DOT1L: variants seen among roughly 807,000 people sequenced by gnomAD.
DOT1L encodes histone-lysine N-methyltransferase, H3 lysine-79 specific.
A neutral mutation model predicts 153.3 loss-of-function variants in DOT1L; 33 were observed. That is an observed-to-expected ratio of 0.22 (90% CI 0.16 to 0.29). The LOEUF (loss-of-function observed/expected upper bound fraction) is 0.29, where lower values mean the gene tolerates loss of function less well. Among genes scored for constraint, DOT1L ranks in the 10% least tolerant of loss-of-function variants. The pLI is 1.00. For synonymous variants in DOT1L, 1,135 were observed against 965.1 expected (o/e 1.18, Z -3.26); for missense variants, 1,847 against 2,119.9 (o/e 0.87, Z 2.53).
chr19:2,211,650 C>A, intron 15 of DOT1L, 101 bp from the exon 16 acceptor site: 3 of 1,026,730 alleles, frequency 2.9e-6, no homozygotes, highest in Non-Finnish European at 4.3e-6. Context: ...GAGTGCCTGA[C>A]ACCTGCCGAG....
intron 1 of DOT1L, among the ~76,000 whole-genome samples, chr19:2,167,077 A>T (rs1381026463): frequency 1.3e-5 from 2 of 152,124 alleles, no homozygotes; most frequent in Non-Finnish European, 2.9e-5. Context: ...TGGGCCACAG[A>T]TTGTTGACGT....
chr19:2,169,349 G>A (rs552237700), intron 1 of DOT1L, among the ~76,000 whole-genome samples: 2 of 152,140 alleles, frequency 1.3e-5, no homozygotes, highest in Non-Finnish European at 2.9e-5. Flanking sequence ...AAATAGGAAG[G>A]AATAATAGAA....
At position 2,197,155 on chromosome 19, in the gene DOT1L, G is replaced by A. The variant is rs919227149; in HGVS notation, c.651+2578G>A. On this transcript the variant is annotated intron_variant, in intron 7 of 27. Coordinates refer to ENST00000398665, the MANE Select transcript of DOT1L (RefSeq NM_032482.3). This position sits in a 1 kb window ranked among gnomAD's most constrained non-coding sequence, Gnocchi z 4.1. ...CTGTCTGGTTTGGTCTCTGGGTGGC[G>A]CTCCCTCGGCTTCTGTTCTGCTGTC... Among the ~76,000 whole-genome samples the A allele has an allele frequency of 2.6e-5, 4 of 152,142 alleles. No individual in the cohort carries two copies. The highest frequency in any genetic ancestry group is 7.2e-5 in the African/African-American group (3 of 41,430).
At chr19:2,171,639 C>T (rs999942317) in intron 1 of DOT1L, among the ~76,000 whole-genome samples, 5 of 152,172 alleles carry the variant, frequency 3.3e-5, no homozygotes, top group Non-Finnish European at 5.9e-5. Context: ...GCTCCGTGTT[C>T]GTGTACATGC....
chr19:2,219,803 C>T (rs1459903162), intron 22 of DOT1L, among the ~76,000 whole-genome samples: 1 of 152,190 alleles, frequency 6.6e-6, no homozygotes, highest in African/African-American at 2.4e-5. Flanking sequence ...TGAGGGCGGG[C>T]TGTGGGTTGC....
Position 2,166,605 on chromosome 19 carries a change from T to C in DOT1L, c.81+2340T>C, listed in dbSNP as rs369904020. On this transcript the variant is annotated intron_variant, in intron 1 of 27. Transcript: ENST00000398665. ...TTTGTATTTTTAGTAGATACCAGGT[T>C]TCTTCATGTTGGCTAGGCTGGTCTC... Among the ~76,000 whole-genome samples the C allele has an allele frequency of 7.9e-5, 12 of 151,922 alleles. No individual in the cohort carries two copies. In the South Asian group the frequency reaches 2.1e-3, roughly 26 times the overall value.
chr19:2,180,940 A>G (rs564544595), intron 2 of DOT1L, among the ~76,000 whole-genome samples, 184 bp downstream of exon 2: 1 of 152,252 alleles, frequency 6.6e-6, no homozygotes, highest in East Asian at 1.9e-4. Flanking sequence ...ATTCCTGGCC[A>G]GTGGGTGCAG....
Position 2,190,927 on chromosome 19 carries a change from C to A in DOT1L, c.265-85C>A. ...GGCCATGCAGCCGACTCCCTGCTTCCGCTGGGAAAGGTCCCGGGTCTTGGT... is the reference window on the plus strand; with the variant it reads ...GGCCATGCAGCCGACTCCCTGCTTCAGCTGGGAAAGGTCCCGGGTCTTGGT... On this transcript the variant is annotated intron_variant, in intron 4 of 27. Coordinates refer to ENST00000398665, the MANE Select transcript of DOT1L (RefSeq NM_032482.3). This position sits in a 1 kb window ranked among gnomAD's most constrained non-coding sequence, Gnocchi z 4.8. 1 of 1,317,252 alleles carries A rather than the reference C, an allele frequency of 7.6e-7. No homozygotes were observed. Among genetic ancestry groups the A allele is most frequent in the Non-Finnish European group, 1.0e-6 (1 of 962,328 alleles). The allele number at this position is 1,317,252 out of a possible 1,614,324, so 81.6% of individuals were successfully genotyped here. A position where few individuals can be genotyped will look rare whatever the true frequency, so the allele number is the denominator to read the frequency against.
At position 2,206,781 on chromosome 19, in the gene DOT1L, C is replaced by T. The variant is rs2023512665; in HGVS notation, c.840C>T (p.Asn280=). 1 of 1,613,876 alleles carries T rather than the reference C, an allele frequency of 6.2e-7. No individual in the cohort carries two copies. Among genetic ancestry groups the T allele is most frequent in the South Asian group, 1.1e-5 (1 of 91,084 alleles). ...TTGCACCTCTGAACTTCAGAATAAA[C>T]AGTAGAAACTTGAGTGGTAAGAAAC... The part of the protein sequence containing the change: ...KPFAPLNFRI[N]SRNLSDIGTI... Residue 280 remains asparagine, a synonymous_variant, in exon 10 of 28, where the codon AAC becomes AAT. Coordinates refer to ENST00000398665, the MANE Select transcript of DOT1L (RefSeq NM_032482.3).
chr19:2,215,395 G>A (rs2023861157), intron 19 of DOT1L: 1 of 152,268 alleles, frequency 6.6e-6, no homozygotes, highest in African/African-American at 2.4e-5. Context: ...GCAGGTGCTG[G>A]TGGGCGGTGC....
chr19:2,226,516 G>T lies in DOT1L; in HGVS notation c.3995G>T (p.Ser1332Ile). The T allele has an allele frequency of 6.2e-7, 1 of 1,600,792 alleles. No homozygotes were observed. Among genetic ancestry groups the T allele is most frequent in the Non-Finnish European group, 8.5e-7 (1 of 1,179,666 alleles). ...LAADLSLHSF[S>I]DGASLPHKGP... ...GCGGACCTGAGTTTACACAGCTTCA[G>T]TGATGGTGCTTCTCTTCCCCACAAG... Residue 1332 changes from serine (S) to isoleucine (I), a missense_variant, in exon 27 of 28, where the codon AGT becomes ATT. By Grantham distance (142) the Ser-to-Ile change is moderately radical. Transcript: ENST00000398665.
chr19:2,203,758 C>T (rs1190988043), intron 9 of DOT1L, among the ~76,000 whole-genome samples: 2 of 152,246 alleles, frequency 1.3e-5, no homozygotes, highest in Admixed American at 6.5e-5. Flanking sequence ...CCCTGCCAGC[C>T]CTCCAGCAGG....
chr19:2,227,133 C>T lies in DOT1L; in HGVS notation c.4606+6C>T, dbSNP rs1269778654. Reference sequence around the variant, plus strand: ...GGCAGGCGGCACAGTTGGAGGTAGGCAGGGCGGCCGTCCGTCCGCCCCCCG... The same window carrying T: ...GGCAGGCGGCACAGTTGGAGGTAGGTAGGGCGGCCGTCCGTCCGCCCCCCG... On this transcript the variant is annotated splice_donor_region_variant and intron_variant, in intron 27 of 27. Coordinates refer to ENST00000398665, the MANE Select transcript of DOT1L (RefSeq NM_032482.3). 6.4e-7 allele frequency: 1 copy of T among 1,556,498 alleles called. No individual in the cohort carries two copies. The highest frequency in any genetic ancestry group is 2.3e-5 in the East Asian group (1 of 42,770).
rs1162002740 is a variant in DOT1L, at chr19:2,227,086, C to T, written c.4565C>T (p.Ala1522Val). The T allele has an allele frequency of 3.2e-6, 5 of 1,563,180 alleles. No homozygotes were observed. Among genetic ancestry groups the T allele is most frequent in the Non-Finnish European group, 4.3e-6 (5 of 1,160,670 alleles). Reference protein sequence around the residue: ...SAATRLTNSHAMGSFSGVAGG... With the variant: ...SAATRLTNSHVMGSFSGVAGG... Reference sequence around the variant, plus strand: ...GCCACCAGACTGACCAACTCGCACGCCATGGGCAGCTTTTCCGGGGTGGCA... The same window carrying T: ...GCCACCAGACTGACCAACTCGCACGTCATGGGCAGCTTTTCCGGGGTGGCA... Residue 1522 changes from alanine to valine, a missense_variant, in exon 27 of 28, where the codon GCC becomes GTC. Ala to Val is a moderately conservative substitution (Grantham distance 64). This residue lies in a region of DOT1L where 934 missense variants were observed against 825.3 expected (regional missense o/e 1.13). Transcript: ENST00000398665.
At chr19:2,214,037 TGGGCGG>T in intron 18 of DOT1L, 51 bp downstream of exon 18, 1 of 1,578,796 alleles carries the variant, frequency 6.3e-7, no homozygotes, top group Non-Finnish European at 8.6e-7. Flanking sequence ...GGGCCCTGCC[TGGGCGG>T]GTGTGTCCTC....
rs1217948556 is a variant in DOT1L at position 2,226,263 on chromosome 19, A to G, written c.3742A>G (p.Ile1248Val). The G allele has an allele frequency of 2.5e-6, 4 of 1,586,476 alleles. No individual in the cohort carries two copies. Among genetic ancestry groups the G allele is most frequent in the Admixed American group, 1.8e-5 (1 of 56,564 alleles). Residue 1248 changes from isoleucine to valine, a missense_variant, in exon 27 of 28, where the codon ATC (isoleucine) becomes GTC (valine). By Grantham distance (29) the Ile-to-Val change is conservative. Coordinates refer to ENST00000398665, the MANE Select transcript of DOT1L (RefSeq NM_032482.3). ...CAAGTGGAAGTCCACCTTCTCGCCC[A>G]TCTCCGACATCGGCCTGGCCAAGTC... is the stretch of plus-strand genomic sequence containing the variant. ...SSKWKSTFSP[I>V]SDIGLAKSAD...
rs527960538 is a variant in DOT1L, at chr19:2,211,196, G to A, written c.1449G>A (p.Ala483=). The A allele has an allele frequency of 1.4e-5, 23 of 1,609,594 alleles. No homozygotes were observed. Among genetic ancestry groups the A allele is most frequent in the Admixed American group, 3.3e-5 (2 of 59,784 alleles). The change falls in exon 15 of 28, where the codon GCG becomes GCA. Residue 483 remains alanine (A), a synonymous_variant. Transcript: ENST00000398665. ...TGCTGGTGGCGCCCACCCCGCCCGC[G>A]CTGCAGAAGCTTCTAGGTGAGCCCG... is the stretch of plus-strand genomic sequence containing the variant. ...NPLLVAPTPP[A]LQKLLESFKI...
At chr19:2,224,381 A>C (rs912241049) in intron 25 of DOT1L, among the ~76,000 whole-genome samples, 9 of 151,710 alleles carry the variant, frequency 5.9e-5, no homozygotes, top group African/African-American at 9.7e-5. Context: ...CAGTCCCCAC[A>C]TCCTCAACAC....
intron 1 of DOT1L, among the ~76,000 whole-genome samples, chr19:2,177,843 G>A (rs1255333461): frequency 6.6e-6 from 1 of 151,564 alleles, no homozygotes; most frequent in Non-Finnish European, 1.5e-5. Flanking sequence ...CTCACTGCAA[G>A]CTCTGCTTCC....
Sources: allele counts gnomAD v4.1 joint callset (sites outside exome capture counted in the v4.1 genomes callset), GRCh38; gene constraint gnomAD v4.1.1; regional missense constraint gnomAD v4.1.1; non-coding constraint Gnocchi (gnomAD v3.1); transcripts MANE v1.5; gene names NCBI Gene and HGNC (gene_info 2026-07-23, HGNC 2026-07-21).